Variants in TMEM132D observed in about 807,000 individuals in gnomAD.
The protein encoded by TMEM132D is transmembrane protein 132D, also known as mature OL transmembrane protein.
TMEM132D carries 21 observed loss-of-function variants against 62.3 expected under a neutral mutation model. That is an observed-to-expected ratio of 0.34 (90% confidence interval 0.24 to 0.49). The LOEUF (loss-of-function observed/expected upper bound fraction) is 0.49. TMEM132D is among the 20% of genes least tolerant of loss of function. TMEM132D has a pLI of 0.99. For missense variants in TMEM132D, 1,346 were observed against 1,402.8 expected, an observed-to-expected ratio of 0.96 and a Z score of 0.65; for synonymous variants, 621 against 575.6, an observed-to-expected ratio of 1.08 and a Z score of -1.13.
intron 3 of TMEM132D, among the ~76,000 whole-genome samples, chr12:129,418,327 A>G (rs988851047): frequency 1.3e-5 from 2 of 152,218 alleles, no homozygotes; most frequent in African/African-American, 4.8e-5. Flanking sequence ...CCCGTCAATG[A>G]TAGACTGGAT....
chr12:129,293,833 G>A (rs973638173), intron 4 of TMEM132D, among the ~76,000 whole-genome samples: 1 of 152,134 alleles, frequency 6.6e-6, no homozygotes, highest in Non-Finnish European at 1.5e-5. Context: ...TCGCTCGCTT[G>A]CCCATCACTT....
chr12:129,709,144 A>C (rs891115183), intron 1 of TMEM132D, among the ~76,000 whole-genome samples: 2 of 152,218 alleles, frequency 1.3e-5, no homozygotes, highest in African/African-American at 4.8e-5. Flanking sequence ...GTTTCATAAC[A>C]GCAATGCTCT....
intron 5 of TMEM132D, among the ~76,000 whole-genome samples, chr12:129,152,979 C>T (rs1034060514): frequency 6.6e-6 from 1 of 152,186 alleles, no homozygotes; most frequent in Admixed American, 6.5e-5. Context: ...CCACCCGGCA[C>T]TTCCTGCCAA....
At chr12:129,562,749 C>T (rs1877269692) in intron 2 of TMEM132D, among the ~76,000 whole-genome samples, 1 of 152,186 alleles carries the variant, frequency 6.6e-6, no homozygotes, top group South Asian at 2.1e-4. Flanking sequence ...GCCCTCTATG[C>T]ATGTTAAAGG....
chr12:129,786,398 C>T (rs1304874648), intron 1 of TMEM132D, among the ~76,000 whole-genome samples: 1 of 152,098 alleles, frequency 6.6e-6, no homozygotes, highest in African/African-American at 2.4e-5. Flanking sequence ...GAGGTAACAC[C>T]TCGTGGCGAA....
intron 2 of TMEM132D, among the ~76,000 whole-genome samples, chr12:129,684,208 A>T (rs1456710407): frequency 6.6e-6 from 1 of 152,212 alleles, no homozygotes; most frequent in Non-Finnish European, 1.5e-5. Flanking sequence ...TATAGTTTCC[A>T]TAATCCCCAT....
At chr12:129,346,414 G>A (rs770796872) in intron 3 of TMEM132D, among the ~76,000 whole-genome samples, 1 of 151,890 alleles carries the variant, frequency 6.6e-6, no homozygotes, top group Non-Finnish European at 1.5e-5. Context: ...TTTTTTGAAG[G>A]GTTTTTCATG....
intron 4 of TMEM132D, among the ~76,000 whole-genome samples, chr12:129,309,917 A>G (rs1475450153): frequency 1.3e-5 from 2 of 152,290 alleles, no homozygotes; most frequent in African/African-American, 2.4e-5. Flanking sequence ...GAGCGTTTCC[A>G]CAAGACACCC....
At position 129,379,328 on chromosome 12, in the gene TMEM132D, C is replaced by T. The variant is rs558409876; in HGVS notation, c.1116-41511G>A. 1.0e-3 allele frequency among the ~76,000 whole-genome samples: 159 copies of T among 152,050 alleles called. 6 individuals are homozygous for T. The highest frequency in any genetic ancestry group is 5.6e-4 in the Non-Finnish European group (38 of 68,014). ...ACAGCAGTGCCTGTCTCCTAGGAGACAGCAACCACTAATGAACTATGAATA... is the reference window on the plus strand; with the variant it reads ...ACAGCAGTGCCTGTCTCCTAGGAGATAGCAACCACTAATGAACTATGAATA... On this transcript the variant is annotated intron_variant, in intron 3 of 8. Transcript: ENST00000422113.
At chr12:129,716,590 T>C (rs1226218512) in intron 1 of TMEM132D, among the ~76,000 whole-genome samples, 1 of 152,208 alleles carries the variant, frequency 6.6e-6, no homozygotes, top group Non-Finnish European at 1.5e-5. Flanking sequence ...TAAGGGTCCC[T>C]CAAAGACATC....
chr12:129,091,430 A>T (rs1874912506), intron 5 of TMEM132D, among the ~76,000 whole-genome samples: 1 of 146,214 alleles, frequency 6.8e-6, no homozygotes, highest in East Asian at 2.1e-4. Flanking sequence ...GACCTTACCT[A>T]TCCTCTCCTG....
At chr12:129,429,575 ATTCT>A (rs1414847110) in intron 3 of TMEM132D, among the ~76,000 whole-genome samples, 71 of 137,288 alleles carry the variant, frequency 5.2e-4, no homozygotes, top group African/African-American at 1.7e-3. Context: ...CACCCAGCTA[ATTCT>A]TTCTTTTTTT....
chr12:129,398,882 T>C (rs79519503), intron 3 of TMEM132D, among the ~76,000 whole-genome samples: 11 of 129,476 alleles, frequency 8.5e-5, no homozygotes, highest in African/African-American at 4.6e-4. Context: ...ATCCATCCAC[T>C]GATTGTCTTA....
At chr12:129,544,756 A>T (rs1690691264) in intron 2 of TMEM132D, among the ~76,000 whole-genome samples, 1 of 152,254 alleles carries the variant, frequency 6.6e-6, no homozygotes, top group South Asian at 2.1e-4. Context: ...AACTCACAGA[A>T]GACTATCAAA....
chr12:129,365,852 C>T (rs1373439692), intron 3 of TMEM132D, among the ~76,000 whole-genome samples: 1 of 152,036 alleles, frequency 6.6e-6, no homozygotes, highest in African/African-American at 2.4e-5. Context: ...GCTGAGCACA[C>T]GTGCCGCAGG....
intron 4 of TMEM132D, among the ~76,000 whole-genome samples, chr12:129,332,600 T>C (rs1869145124): frequency 6.6e-6 from 1 of 152,214 alleles, no homozygotes; most frequent in African/African-American, 2.4e-5. Flanking sequence ...GTGCTGTGTG[T>C]GAATATTTTA....
chr12:129,325,242 G>T (rs1169025164), intron 4 of TMEM132D, among the ~76,000 whole-genome samples: 1 of 152,176 alleles, frequency 6.6e-6, no homozygotes, highest in Non-Finnish European at 1.5e-5. Flanking sequence ...TTCCCTTGGG[G>T]ATCAGACGCT....
chr12:129,372,387 T>C (rs566954455), intron 3 of TMEM132D, among the ~76,000 whole-genome samples: 1 of 152,306 alleles, frequency 6.6e-6, no homozygotes, highest in South Asian at 2.1e-4. Flanking sequence ...GCTTCATCTG[T>C]ATTTACAGCT....
intron 1 of TMEM132D, among the ~76,000 whole-genome samples, chr12:129,810,360 A>G (rs1240165614): frequency 2.0e-5 from 3 of 152,220 alleles, no homozygotes; most frequent in Non-Finnish European, 2.9e-5. Context: ...TATTTTAAAA[A>G]AATCTAAAGA....
Sources: gnomAD v4.1 joint callset for allele counts (sites outside exome capture counted in the v4.1 genomes callset) on GRCh38, gnomAD v4.1.1 for gene constraint, MANE v1.5 for transcripts, NCBI Gene and HGNC (gene_info 2026-07-23, HGNC 2026-07-21) for gene names.